The following ZBTB7C variants were observed in gnomAD, a reference collection of about 807,000 sequenced individuals.
The protein encoded by ZBTB7C is zinc finger and BTB domain containing 7C.
Under a neutral mutation model 25.7 loss-of-function variants are expected in ZBTB7C, and 8 were observed. The observed-to-expected ratio is 0.31, with a 90% CI of 0.18 to 0.56. The LOEUF is 0.56. Ranked by LOEUF, ZBTB7C falls within the 20% of genes least tolerant of loss-of-function variation. The pLI is 0.91. For synonymous variants in ZBTB7C, 394 were observed against 369.0 expected (o/e 1.07, Z -0.78); for missense variants, 824 against 855.2 (o/e 0.96, Z 0.46).
intron 3 of ZBTB7C, among the ~76,000 whole-genome samples, chr18:48,161,455 C>A (rs918612477): frequency 2.6e-5 from 4 of 152,048 alleles, no homozygotes; most frequent in African/African-American, 9.7e-5. Flanking sequence ...AATTCCCGAG[C>A]GTGGTGAGGG....
intron 4 of ZBTB7C, among the ~76,000 whole-genome samples, chr18:48,033,825 C>T (rs1278520021): frequency 2.6e-5 from 4 of 152,200 alleles, no homozygotes; most frequent in Admixed American, 1.3e-4. Context: ...GATACTGTGA[C>T]GTGCATTGGA....
intron 2 of ZBTB7C, among the ~76,000 whole-genome samples, chr18:48,320,387 G>A (rs2046061053): frequency 6.6e-6 from 1 of 152,218 alleles, no homozygotes. Flanking sequence ...GGCACTGGAA[G>A]GCTCTCAGCA....
intron 1 of ZBTB7C, among the ~76,000 whole-genome samples, chr18:48,408,829 G>A (rs1002891666): frequency 6.6e-6 from 1 of 151,064 alleles, no homozygotes; most frequent in Non-Finnish European, 1.5e-5. Flanking sequence ...TTCCTTTCCA[G>A]CCCCGCGCGC....
Position 48,385,230 on chromosome 18 carries a change from G to A in ZBTB7C, c.-304+23996C>T, listed in dbSNP as rs954975567. Among the ~76,000 whole-genome samples the A allele has an allele frequency of 5.3e-5, 8 of 152,260 alleles. No homozygotes were observed. The East Asian group carries it at 9.6e-4, about 18-fold the overall frequency. The stretch of plus-strand genomic sequence containing the variant: ...TGATATTTTGTATATACCTTATTCC[G>A]TCTTTACTACTTTCTGGTCTGTAGC... On this transcript the variant is annotated intron_variant, in intron 1 of 4. Coordinates refer to ENST00000590800, the MANE Select transcript of ZBTB7C (RefSeq NM_001318841.2).
At chr18:48,039,753 G>T in intron 4 of ZBTB7C, 147 bp downstream of exon 4, 1 of 791,236 alleles carries the variant, frequency 1.3e-6, no homozygotes, top group Non-Finnish European at 2.1e-6. Context: ...AGCACCAGGT[G>T]ATGCCTAGCA....
intron 2 of ZBTB7C, among the ~76,000 whole-genome samples, chr18:48,328,402 C>T (rs1345104271): frequency 6.6e-6 from 1 of 152,000 alleles, no homozygotes; most frequent in African/African-American, 2.4e-5. Flanking sequence ...TCACAAGTTC[C>T]TTCACTCTCT....
intron 2 of ZBTB7C, among the ~76,000 whole-genome samples, chr18:48,270,103 T>C (rs2044430681): frequency 6.6e-6 from 1 of 151,892 alleles, no homozygotes. Flanking sequence ...GGAATAAATA[T>C]AAATCAGTTA....
In ZBTB7C at chr18:48,029,918, T is replaced by C; in HGVS notation, c.1209-7A>G. On this transcript the variant is annotated splice_polypyrimidine_tract_variant and splice_region_variant and intron_variant, in intron 4 of 4. Coordinates refer to ENST00000590800, the MANE Select transcript of ZBTB7C (RefSeq NM_001318841.2). ...GATTTTCAGCTTGTCCTGCCTGCAATGCAGAGACTGGGGGTCAGTCCCGCA... is the reference window on the plus strand; with the variant it reads ...GATTTTCAGCTTGTCCTGCCTGCAACGCAGAGACTGGGGGTCAGTCCCGCA... The C allele has an allele frequency of 6.2e-7, 1 of 1,610,336 alleles. No homozygotes were observed. The highest frequency in any genetic ancestry group is 1.1e-5 in the South Asian group (1 of 91,082).
intron 3 of ZBTB7C, among the ~76,000 whole-genome samples, chr18:48,168,603 A>G (rs898714141): frequency 2.0e-5 from 3 of 152,226 alleles, no homozygotes; most frequent in African/African-American, 7.2e-5. Context: ...TAAAATGTAA[A>G]CACCAACTCT....
upstream of ZBTB7C, among the ~76,000 whole-genome samples, chr18:48,412,047 C>T (rs1207248183): frequency 2.0e-5 from 3 of 152,190 alleles, no homozygotes; most frequent in African/African-American, 7.2e-5. Context: ...CTCTCTAAAG[C>T]CTCCATTTCC....
chr18:48,392,466 G>A (rs2047924902), intron 1 of ZBTB7C, among the ~76,000 whole-genome samples: 1 of 152,130 alleles, frequency 6.6e-6, no homozygotes, highest in Admixed American at 6.5e-5. Flanking sequence ...CTCATTTCTT[G>A]CTTGGAGTTA....
At chr18:48,293,349 T>C (rs1249709037) in intron 2 of ZBTB7C, among the ~76,000 whole-genome samples, 1 of 152,240 alleles carries the variant, frequency 6.6e-6, no homozygotes. Flanking sequence ...TGACCTCATC[T>C]GACTCTATTC....
chr18:48,107,801 T>C (rs1359564442), intron 3 of ZBTB7C, among the ~76,000 whole-genome samples: 7 of 152,234 alleles, frequency 4.6e-5, no homozygotes, highest in Non-Finnish European at 8.8e-5. Context: ...AGTGCTGAGA[T>C]GGCGCCTAGG....
At chr18:48,198,027 T>C (rs555172373) in intron 2 of ZBTB7C, among the ~76,000 whole-genome samples, 1 of 152,302 alleles carries the variant, frequency 6.6e-6, no homozygotes, top group South Asian at 2.1e-4. Context: ...AGTATTGTGA[T>C]GAGGTAGATA....
At chr18:48,213,067 C>T (rs1053310654) in intron 2 of ZBTB7C, among the ~76,000 whole-genome samples, 4 of 151,702 alleles carry the variant, frequency 2.6e-5, no homozygotes, top group African/African-American at 4.9e-5. Context: ...CTTACACCCT[C>T]GCCTGGCTCC....
At chr18:48,100,984 G>A (rs1390550123) in intron 3 of ZBTB7C, among the ~76,000 whole-genome samples, 4 of 152,096 alleles carry the variant, frequency 2.6e-5, no homozygotes, top group Non-Finnish European at 5.9e-5. Flanking sequence ...TGGGCTCCTC[G>A]TGCATCACTA....
At chr18:48,095,831 C>T (rs2038605965) in intron 3 of ZBTB7C, among the ~76,000 whole-genome samples, 1 of 152,206 alleles carries the variant, frequency 6.6e-6, no homozygotes, top group Admixed American at 6.5e-5. Flanking sequence ...AGATGGCCGT[C>T]TCCTACCCTT....
intron 2 of ZBTB7C, among the ~76,000 whole-genome samples, chr18:48,254,255 T>C (rs2043956940): frequency 6.6e-6 from 1 of 152,204 alleles, no homozygotes; most frequent in South Asian, 2.1e-4. Context: ...AAATACTACC[T>C]AGGAATAGGC....
At chr18:48,210,497 C>T (rs1367311073) in intron 2 of ZBTB7C, among the ~76,000 whole-genome samples, 2 of 152,204 alleles carry the variant, frequency 1.3e-5, no homozygotes, top group Non-Finnish European at 2.9e-5. Context: ...GAATGAAGTT[C>T]TGATAAATGC....
Sources: gnomAD v4.1 joint callset for allele counts (sites outside exome capture counted in the v4.1 genomes callset) on GRCh38, gnomAD v4.1.1 for gene constraint, MANE v1.5 for transcripts, NCBI Gene and HGNC (gene_info 2026-07-23, HGNC 2026-07-21) for gene names.